The following ADCY1 variants were observed in gnomAD, a reference collection of about 807,000 sequenced individuals.
The protein encoded by ADCY1 is adenylate cyclase 1.
In ADCY1, 28 loss-of-function variants were observed where a neutral mutation model predicts 105.4. That is an observed-to-expected ratio of 0.27 (90% confidence interval 0.20 to 0.36). The LOEUF (loss-of-function observed/expected upper bound fraction) is 0.36. Among genes scored for constraint, ADCY1 ranks in the 10% least tolerant of loss-of-function variants. ADCY1 has a pLI of 1.00. For synonymous variants in ADCY1, 655 were observed against 623.8 expected, an observed-to-expected ratio of 1.05 and a Z score of -0.75; for missense variants, 977 against 1,434.2, an observed-to-expected ratio of 0.68 and a Z score of 5.15.
rs1795120860 is a variant in ADCY1 at position 45,662,072 on chromosome 7, T to C, written c.1463T>C (p.Leu488Pro). The C allele has an allele frequency of 6.2e-7, 1 of 1,613,916 alleles. No homozygotes were observed. The highest frequency in any genetic ancestry group is 1.7e-5 in the Admixed American group (1 of 59,978). Reference protein sequence around the residue: ...PSHRRKIFPGLILSDIKPAKR... With the variant: ...PSHRRKIFPGPILSDIKPAKR... ...GTGTTTGGACAGATATTTCCAGGCCTGATTCTCTCAGATATAAAACCGGCC... is the reference window on the plus strand; with the variant it reads ...GTGTTTGGACAGATATTTCCAGGCCCGATTCTCTCAGATATAAAACCGGCC... The change falls in exon 8 of 20, where the codon CTG (leucine) becomes CCG (proline). Residue 488 changes from leucine to proline, a missense_variant. This residue lies in a region of ADCY1 where 66 missense variants were observed against 127.2 expected (regional missense o/e 0.52). Transcript: ENST00000297323.
chr7:45,611,167 G>A (rs1293184012), intron 3 of ADCY1, among the ~76,000 whole-genome samples: 2 of 136,018 alleles, frequency 1.5e-5, no homozygotes, highest in Admixed American at 7.7e-5. Flanking sequence ...TGATGGAGGA[G>A]GTGAGGTGAT....
At chr7:45,659,166 C>T (rs1056903189) in intron 6 of ADCY1, among the ~76,000 whole-genome samples, 5 of 152,218 alleles carry the variant, frequency 3.3e-5, no homozygotes, top group African/African-American at 7.2e-5. Context: ...GGAAAGGCCT[C>T]GTGATCTCCT....
At chr7:45,694,444 A>T (rs1784844161) in intron 14 of ADCY1, among the ~76,000 whole-genome samples, 1 of 152,226 alleles carries the variant, frequency 6.6e-6, no homozygotes, top group African/African-American at 2.4e-5. Context: ...TGAGATCAAC[A>T]TTTGTGGGGT....
In ADCY1 at chr7:45,647,455, G is replaced by A. The variant is rs75374517; in HGVS notation, c.1021-1215G>A. Among the ~76,000 whole-genome samples, 2,054 of 152,302 alleles carry A rather than the reference G, an allele frequency of 0.013. 19 individuals are homozygous for A. Among genetic ancestry groups the A allele is most frequent in the Non-Finnish European group, 0.021 (1,414 of 68,014 alleles). Reference sequence around the variant, plus strand: ...CCCAGTCATTTGTAAGAAACCAAAGGATCACATTAAATATAAGCCACCGAT... The same window carrying A: ...CCCAGTCATTTGTAAGAAACCAAAGAATCACATTAAATATAAGCCACCGAT... On this transcript the variant is annotated intron_variant, in intron 4 of 19. Transcript: ENST00000297323. This position sits in a 1 kb window ranked among gnomAD's most constrained non-coding sequence, Gnocchi z 4.6.
At chr7:45,632,930 C>G (rs998218142) in intron 4 of ADCY1, among the ~76,000 whole-genome samples, 11 of 151,998 alleles carry the variant, frequency 7.2e-5, no homozygotes, top group African/African-American at 2.7e-4. Context: ...CTAGCTGTTT[C>G]TTTTTTAGAC....
At chr7:45,606,139 T>C (rs1421523364) in intron 2 of ADCY1, among the ~76,000 whole-genome samples, 2 of 152,128 alleles carry the variant, frequency 1.3e-5, no homozygotes, top group Non-Finnish European at 2.9e-5. Flanking sequence ...AGTACCTGGC[T>C]TGGGGGAGGA....
At chr7:45,674,091 T>C (rs969054995) in intron 8 of ADCY1, among the ~76,000 whole-genome samples, 1 of 150,504 alleles carries the variant, frequency 6.6e-6, no homozygotes, top group African/African-American at 2.4e-5. Flanking sequence ...ATTTTCCTGT[T>C]ATCTAACTGT....
In ADCY1 at chr7:45,708,113, C is replaced by T. The variant is rs939861756; in HGVS notation, c.2818-237C>T. Among the ~76,000 whole-genome samples, 2 of 152,234 alleles carry T rather than the reference C, an allele frequency of 1.3e-5. No individual in the cohort carries two copies. Among genetic ancestry groups the T allele is most frequent in the Non-Finnish European group, 2.9e-5 (2 of 68,046 alleles). ...CTCAAAAGGGCTGCCCTGCCCTATT[C>T]CTGCAGGCAGCCTTGGGTGGGCCCT... On this transcript the variant is annotated intron_variant, in intron 17 of 19. Coordinates refer to ENST00000297323, the MANE Select transcript of ADCY1 (RefSeq NM_021116.4). The surrounding 1 kb of genome is among the most constrained non-coding windows in gnomAD (Gnocchi z 4.7).
chr7:45,673,989 A>T (rs371441415), intron 8 of ADCY1, among the ~76,000 whole-genome samples: 2 of 19,036 alleles, frequency 1.1e-4, no homozygotes. Flanking sequence ...ATATATATAT[A>T]TATATATATA....
At chr7:45,659,422 G>A (rs992158449) in intron 6 of ADCY1, among the ~76,000 whole-genome samples, 3 of 152,226 alleles carry the variant, frequency 2.0e-5, no homozygotes, top group South Asian at 2.1e-4. Context: ...GAGCTCAGGC[G>A]TGCCCTGCTA....
intron 14 of ADCY1, among the ~76,000 whole-genome samples, chr7:45,699,544 G>A (rs1180520231): frequency 6.6e-6 from 1 of 151,546 alleles, no homozygotes; most frequent in Non-Finnish European, 1.5e-5. Flanking sequence ...AGCCTCCCGA[G>A]CAGCCAGGGT....
At chr7:45,581,631 A>C (rs930393119) in intron 1 of ADCY1, among the ~76,000 whole-genome samples, 1 of 152,128 alleles carries the variant, frequency 6.6e-6, no homozygotes, top group African/African-American at 2.4e-5. Flanking sequence ...CAGGAGAAGC[A>C]GCCTGACCAC....
At chr7:45,655,442 C>T (rs897401292) in intron 5 of ADCY1, among the ~76,000 whole-genome samples, 12 of 152,178 alleles carry the variant, frequency 7.9e-5, no homozygotes, top group Admixed American at 5.2e-4. Flanking sequence ...CAAGAAAGTC[C>T]GTGGAAATTC....
At chr7:45,600,759 C>T (rs886321104) in intron 2 of ADCY1, among the ~76,000 whole-genome samples, 1 of 152,218 alleles carries the variant, frequency 6.6e-6, no homozygotes, top group African/African-American at 2.4e-5. Flanking sequence ...CCTTGACTTA[C>T]CGATGGCCAT....
intron 2 of ADCY1, 104 bp downstream of exon 2, chr7:45,593,012 C>T: frequency 6.9e-7 from 1 of 1,452,136 alleles, no homozygotes; most frequent in Non-Finnish European, 9.4e-7. Flanking sequence ...TGACATGGGC[C>T]ACAATTCCCA....
At chr7:45,586,352 C>T (rs1251209406) in intron 1 of ADCY1, among the ~76,000 whole-genome samples, 9 of 152,232 alleles carry the variant, frequency 5.9e-5, no homozygotes, top group South Asian at 4.2e-4. Context: ...CATAGCTTCA[C>T]GCATTAGAAA....
Position 45,574,517 on chromosome 7 carries a change from C to T in ADCY1, c.-27C>T. Reference sequence around the variant, plus strand: ...CCCGGGCCGGCGAGGGGCGCGCCCGCGGCCGCGGCCGCTGCATGGCGCTGA... The same window carrying T: ...CCCGGGCCGGCGAGGGGCGCGCCCGTGGCCGCGGCCGCTGCATGGCGCTGA... On this transcript the variant is annotated 5_prime_UTR_variant, in exon 1 of 20. Transcript: ENST00000297323. The surrounding 1 kb of genome is among the most constrained non-coding windows in gnomAD (Gnocchi z 7.0). 3.1e-6 allele frequency: 3 copies of T among 975,028 alleles called. No individual in the cohort carries two copies. The highest frequency in any genetic ancestry group is 3.6e-6 in the Non-Finnish European group (3 of 825,030). 60.4% of individuals were successfully genotyped at this position (975,028 alleles called of 1,614,324 possible). A position where few individuals can be genotyped will look rare whatever the true frequency, so the allele number is the denominator to read the frequency against.
In ADCY1 at chr7:45,684,993, C is replaced by T; in HGVS notation, c.1998C>T (p.Cys666=). 1 of 1,614,014 alleles carries T rather than the reference C, an allele frequency of 6.2e-7. No individual in the cohort carries two copies. Among genetic ancestry groups the T allele is most frequent in the Admixed American group, 1.7e-5 (1 of 60,028 alleles). ...HITRVQCFPG[C]LTIQIRTVLC... is the part of the protein sequence containing the mutation. ...TTCTTATTCAGTGTTTTCCAGGGTG[C>T]CTGACGATTCAGATTCGCACTGTCC... The change falls in exon 12 of 20, where the codon TGC becomes TGT. Residue 666 remains cysteine (C), a synonymous_variant. Transcript: ENST00000297323.
Position 45,620,347 on chromosome 7 carries a change from A to G in ADCY1, c.909-2285A>G, listed in dbSNP as rs185093014. Reference sequence around the variant, plus strand: ...ATAATGTATAGTACACTTTAAAAAGAATTAGTGAACTTGATAGCTCGATTA... The same window carrying G: ...ATAATGTATAGTACACTTTAAAAAGGATTAGTGAACTTGATAGCTCGATTA... On this transcript the variant is annotated intron_variant, in intron 3 of 19. Transcript: ENST00000297323. Among the ~76,000 whole-genome samples, 303 of 152,310 alleles carry G rather than the reference A, an allele frequency of 2.0e-3. 1 individual carries two copies. The highest frequency in any genetic ancestry group is 6.7e-3 in the African/African-American group (277 of 41,572).
Sources: allele counts gnomAD v4.1 joint callset (sites outside exome capture counted in the v4.1 genomes callset), GRCh38; gene constraint gnomAD v4.1.1; regional missense constraint gnomAD v4.1.1; non-coding constraint Gnocchi (gnomAD v3.1); transcripts MANE v1.5; gene names NCBI Gene and HGNC (gene_info 2026-07-23, HGNC 2026-07-21).